Variants in PDE6A observed in about 807,000 individuals in gnomAD.
PDE6A encodes the protein phosphodiesterase 6A.
PDE6A carries 84 observed loss-of-function variants against 106.3 expected under a neutral mutation model. The observed-to-expected ratio is 0.79, with a 90% CI of 0.66 to 0.95. PDE6A has a LOEUF of 0.95. Among genes scored for constraint, PDE6A ranks in the 40% least tolerant of loss-of-function variants. PDE6A has a pLI of 0.00. For missense variants in PDE6A, 1,052 were observed against 1,084.9 expected (o/e 0.97, Z 0.43); for synonymous variants, 394 against 386.6 (o/e 1.02, Z -0.23).
intron 13 of PDE6A, among the ~76,000 whole-genome samples, chr5:149,887,558 G>A (rs1752359328): frequency 6.6e-6 from 1 of 152,096 alleles, no homozygotes; most frequent in African/African-American, 2.4e-5. Flanking sequence ...GCTACCTGGT[G>A]TTAGTCCCAA....
rs377277941 is a variant in PDE6A, at chr5:149,938,106, C to T, written c.475-3388G>A. ...GAATGTCATGCAAAACATGAGCCCA[C>T]GACTCAAAGCATGTGAAGCAGACCA... On this transcript the variant is annotated intron_variant, in intron 1 of 21. Coordinates refer to ENST00000255266, the MANE Select transcript of PDE6A (RefSeq NM_000440.3). Among the ~76,000 whole-genome samples, 204 of 152,186 alleles carry T rather than the reference C, an allele frequency of 1.3e-3. 1 individual carries two copies. The highest frequency in any genetic ancestry group is 4.8e-3 in the African/African-American group (198 of 41,518).
intron 1 of PDE6A, among the ~76,000 whole-genome samples, chr5:149,935,534 G>C (rs1450060088): frequency 1.3e-5 from 2 of 152,146 alleles, no homozygotes; most frequent in African/African-American, 4.8e-5. Flanking sequence ...CCAGCTCAAA[G>C]AAAAATCAAT....
At position 149,903,728 on chromosome 5, in the gene PDE6A, G is replaced by C. The variant is rs745880543; in HGVS notation, c.1066-33C>G. 5 of 1,582,608 alleles carry C rather than the reference G, an allele frequency of 3.2e-6. No homozygotes were observed. The South Asian group carries it at 5.5e-5, about 17-fold the overall frequency. ...CAGTGAAGGGGAATAATGAAGGTGTGATTAGGCCTGAGAGGGTGCCCAGTG... is the reference window on the plus strand; with the variant it reads ...CAGTGAAGGGGAATAATGAAGGTGTCATTAGGCCTGAGAGGGTGCCCAGTG... On this transcript the variant is annotated intron_variant, in intron 7 of 21. Transcript: ENST00000255266.
intron 4 of PDE6A, among the ~76,000 whole-genome samples, chr5:149,922,296 A>AATTATTATTATTATTATT (rs142378973): frequency 1.0e-4 from 15 of 148,920 alleles, no homozygotes; most frequent in African/African-American, 3.2e-4. Context: ...ATTTACAACA[A>AATTATTATTATTATTATT]ATTATTATTA....
At chr5:149,881,931 A>G (rs1022571311) in intron 17 of PDE6A, among the ~76,000 whole-genome samples, 2 of 150,816 alleles carry the variant, frequency 1.3e-5, no homozygotes, top group Non-Finnish European at 2.9e-5. Context: ...GTGTGCCTGT[A>G]GTCCCAACTA....
intron 18 of PDE6A, 92 bp downstream of exon 18, chr5:149,868,003 G>C (rs1002573309): frequency 3.1e-6 from 4 of 1,308,156 alleles, no homozygotes; most frequent in Admixed American, 1.7e-5. Context: ...AGGTGAGCTG[G>C]TTCTGGAGCT....
chr5:149,876,913 T>TGATAGATA lies in PDE6A; in HGVS notation c.2135+6508_2135+6515dup, dbSNP rs201047279. On this transcript the variant is annotated intron_variant, in intron 17 of 21. Transcript: ENST00000255266. The stretch of plus-strand genomic sequence containing the variant: ...ACAGATGATGATAGATGATGAGAGA[T>TGATAGATA]GATAGATAGATAGATAGATACATAG... Among the ~76,000 whole-genome samples, 311 of 151,390 alleles carry TGATAGATA rather than the reference T, an allele frequency of 2.1e-3. 1 individual carries two copies. Among genetic ancestry groups the TGATAGATA allele is most frequent in the African/African-American group, 6.4e-3 (263 of 41,096 alleles).
intron 3 of PDE6A, chr5:149,932,745 C>T (rs1191266300): frequency 5.6e-6 from 7 of 1,239,662 alleles, no homozygotes; most frequent in Non-Finnish European, 8.2e-6. Context: ...TTGGCACTGT[C>T]GGCTTCTGTG....
chr5:149,894,644 T>TTTTTTG, intron 13 of PDE6A, among the ~76,000 whole-genome samples: 1 of 147,930 alleles, frequency 6.8e-6, no homozygotes, highest in African/African-American at 2.5e-5. Flanking sequence ...TTTTTTTTTT[T>TTTTTTG]TTTTTTGAGA....
At chr5:149,881,754 T>G (rs562644033) in intron 17 of PDE6A, among the ~76,000 whole-genome samples, 21 of 152,222 alleles carry the variant, frequency 1.4e-4, no homozygotes, top group African/African-American at 4.8e-4. Context: ...AAAGTTGAAA[T>G]TATAAATAAA....
chr5:149,871,686 G>A (rs73267797), intron 17 of PDE6A, among the ~76,000 whole-genome samples: 12,252 of 152,158 alleles, frequency 0.081, 1,048 homozygotes, highest in African/African-American at 0.21. Flanking sequence ...GCGCCGCTGC[G>A]AGGGGATGGT....
intron 5 of PDE6A, among the ~76,000 whole-genome samples, chr5:149,916,241 C>T (rs931876451): frequency 1.3e-5 from 2 of 152,184 alleles, no homozygotes; most frequent in African/African-American, 4.8e-5. Flanking sequence ...TCTTCCTTTG[C>T]CCCAAAACAT....
chr5:149,932,528 A>G (rs1754067341), intron 3 of PDE6A: 2 of 1,378,360 alleles, frequency 1.5e-6, no homozygotes, highest in South Asian at 2.3e-5. Flanking sequence ...TTATCACGCT[A>G]GCATTTGGAA....
chr5:149,921,171 C>G (rs1485072446), intron 5 of PDE6A, among the ~76,000 whole-genome samples: 1 of 152,144 alleles, frequency 6.6e-6, no homozygotes, highest in Non-Finnish European at 1.5e-5. Flanking sequence ...CTTGACCTTT[C>G]TGGGTCTCTT....
At chr5:149,896,681 C>T (rs748152109) in intron 11 of PDE6A, 30 bp downstream of exon 11, 23 of 1,613,942 alleles carry the variant, frequency 1.4e-5, no homozygotes, top group South Asian at 1.1e-5. Flanking sequence ...TGTTATACAT[C>T]GGGGCTCGTG....
intron 13 of PDE6A, among the ~76,000 whole-genome samples, chr5:149,893,249 C>A (rs1752610023): frequency 6.6e-6 from 1 of 152,112 alleles, no homozygotes; most frequent in South Asian, 2.1e-4. Context: ...TTCTCTACCG[C>A]AAAACTTTAG....
At position 149,859,556 on chromosome 5, in the gene PDE6A, A is replaced by C. The variant is rs911447952; in HGVS notation, c.*1339T>G. On this transcript the variant is annotated 3_prime_UTR_variant, in exon 22 of 22. Coordinates refer to ENST00000255266, the MANE Select transcript of PDE6A (RefSeq NM_000440.3). ...GACAGCCTTAGTGGACCCCACGAGG[A>C]GTCGTGGAGCTGGAACAGCCCTGCA... is the stretch of plus-strand genomic sequence containing the variant. 5 of 152,298 alleles carry C rather than the reference A, an allele frequency of 3.3e-5. No homozygotes were observed. The highest frequency in any genetic ancestry group is 1.2e-4 in the African/African-American group (5 of 41,466). 9.4% of individuals were successfully genotyped at this position (152,298 alleles called of 1,614,324 possible).
chr5:149,944,064 A>G (rs1441815734), intron 1 of PDE6A, 136 bp downstream of exon 1: 15 of 680,520 alleles, frequency 2.2e-5, no homozygotes, highest in Non-Finnish European at 3.3e-5. Context: ...TTATGAGTAA[A>G]TATGTAAATA....
chr5:149,906,247 T>G (rs377375085), intron 7 of PDE6A, among the ~76,000 whole-genome samples: 2 of 151,750 alleles, frequency 1.3e-5, no homozygotes, highest in East Asian at 2.0e-4. Context: ...CTTTTGAGGA[T>G]GAGCATGGTG....
Sources: gnomAD v4.1 joint callset for allele counts (sites outside exome capture counted in the v4.1 genomes callset) on GRCh38, gnomAD v4.1.1 for gene constraint, MANE v1.5 for transcripts, NCBI Gene and HGNC (gene_info 2026-07-23, HGNC 2026-07-21) for gene names.